APOA1: variants seen among roughly 807,000 people sequenced by gnomAD.
APOA1 encodes apolipoprotein A1, also known as apolipoprotein A-I.
In APOA1, 22 loss-of-function variants were observed where a neutral mutation model predicts 25.9. The observed-to-expected ratio is 0.85, with a 90% CI of 0.61 to 1.21. APOA1 has a LOEUF of 1.21. Ranked by LOEUF, APOA1 falls within the 50% of genes most tolerant of loss-of-function variation. The pLI is 0.00. For missense variants in APOA1, 351 were observed against 347.9 expected (o/e 1.01, Z -0.07); for synonymous variants, 163 against 152.2 (o/e 1.07, Z -0.52).
At position 116,837,115 on chromosome 11, in the gene APOA1, T is replaced by TG. The variant is rs753348565; in HGVS notation, c.85dup (p.Gln29ProfsTer30). On this transcript the variant is annotated frameshift_variant, in exon 3 of 4. Transcript: ENST00000236850. LOFTEE classifies it high-confidence loss of function. ...GTCCTTCACTCGATCCCAGGGGCTC[T>TG]GGGGGGGTTCATCTTGCTGCCAGAA... 1.2e-5 allele frequency: 20 copies of TG among 1,613,574 alleles called. No individual in the cohort carries two copies. The highest frequency in any genetic ancestry group is 4.4e-5 in the South Asian group (4 of 91,068).
rs373545875 is a variant in APOA1, at chr11:116,837,074, C to G, written c.127G>C (p.Val43Leu). 27 of 1,614,064 alleles carry G rather than the reference C, an allele frequency of 1.7e-5. No homozygotes were observed. Among genetic ancestry groups the G allele is most frequent in the Non-Finnish European group, 2.1e-5 (25 of 1,180,048 alleles). ...CTGCCGCTGTCTTTGAGCACATCCA[C>G]GTACACAGTGGCCAGGTCCTTCACT... ...DRVKDLATVYVDVLKDSGRDY... is the reference protein window; with the variant it reads ...DRVKDLATVYLDVLKDSGRDY... The change falls in exon 3 of 4, where the codon GTG (valine) becomes CTG (leucine). Residue 43 changes from valine (V) to leucine (L), a missense_variant. Physicochemically the swap from Val to Leu is conservative, Grantham distance 32 (BLOSUM62 1). Coordinates refer to ENST00000236850, the MANE Select transcript of APOA1 (RefSeq NM_000039.3).
rs1439470829 is a variant in APOA1 at position 116,835,987 on chromosome 11, C to G, written c.625G>C (p.Gly209Arg). 2 of 1,609,760 alleles carry G rather than the reference C, an allele frequency of 1.2e-6. No individual in the cohort carries two copies. Among genetic ancestry groups the G allele is most frequent in the Non-Finnish European group, 1.7e-6 (2 of 1,179,890 alleles). Residue 209 changes from glycine to arginine, a missense_variant, in exon 4 of 4, where the codon GGC becomes CGC. Transcript: ENST00000236850. ...TGGTACTCGGCCAGTCTGGCGCCGC[C>G]GTTCTCCTTGAGAGCCTCAAGGCGC... Reference protein sequence around the residue: ...AARLEALKENGGARLAEYHAK... With the variant: ...AARLEALKENRGARLAEYHAK...
At chr11:116,836,681 C>T (rs1941558443) in intron 3 of APOA1, among the ~76,000 whole-genome samples, 1 of 152,238 alleles carries the variant, frequency 6.6e-6, no homozygotes, top group Admixed American at 6.5e-5. Flanking sequence ...TCTATGCCTC[C>T]AGCGCATTCT....
rs138407155 is a variant in APOA1, at chr11:116,836,328, A to T, written c.284T>A (p.Phe95Tyr). The change falls in exon 4 of 4, where the codon TTC (phenylalanine) becomes TAC (tyrosine). Residue 95 changes from phenylalanine to tyrosine, a missense_variant. Phe to Tyr is a conservative substitution (Grantham distance 22). Transcript: ENST00000236850. Reference sequence around the variant, plus strand: ...TGTCTCCTTTTCCAGGTTATCCCAGAACTCCTGGGTCACAGGGCCGAGCTG... The same window carrying T: ...TGTCTCCTTTTCCAGGTTATCCCAGTACTCCTGGGTCACAGGGCCGAGCTG... Reference protein sequence around the residue: ...REQLGPVTQEFWDNLEKETEG... With the variant: ...REQLGPVTQEYWDNLEKETEG... 1,129 of 1,614,106 alleles carry T rather than the reference A, an allele frequency of 7.0e-4. 1 individual carries two copies. The highest frequency in any genetic ancestry group is 1.6e-3 in the South Asian group (145 of 91,084).
chr11:116,836,953 A>G (rs759586483), intron 3 of APOA1, 48 bp downstream of exon 3: 2 of 1,600,556 alleles, frequency 1.2e-6, no homozygotes, highest in African/African-American at 1.3e-5. Context: ...ATCATCCCAC[A>G]GGCCTCTGCC....
At position 116,836,203 on chromosome 11, in the gene APOA1, C is replaced by T; in HGVS notation, c.409G>A (p.Glu137Lys). The change falls in exon 4 of 4, where the codon GAG (glutamate) becomes AAG (lysine). Residue 137 changes from glutamate to lysine, a missense_variant. Physicochemically the swap from Glu to Lys is moderately conservative, Grantham distance 56. Coordinates refer to ENST00000236850, the MANE Select transcript of APOA1 (RefSeq NM_000039.3). ...GGCTCCACCTTCTGGCGGTAGAGCT[C>T]CATCTCCTCCTGCCACTTCTTCTGG... ...DFQKKWQEEM[E>K]LYRQKVEPLR... is the part of the protein sequence containing the mutation. 6.2e-7 allele frequency: 1 copy of T among 1,613,872 alleles called. No individual in the cohort carries two copies. Among genetic ancestry groups the T allele is most frequent in the Non-Finnish European group, 8.5e-7 (1 of 1,180,022 alleles).
At position 116,836,183 on chromosome 11, in the gene APOA1, C is replaced by T; in HGVS notation, c.429G>A (p.Val143=). 1.2e-6 allele frequency: 2 copies of T among 1,613,752 alleles called. No individual in the cohort carries two copies. The highest frequency in any genetic ancestry group is 1.7e-6 in the Non-Finnish European group (2 of 1,180,016). The part of the protein sequence containing the change: ...QEEMELYRQK[V]EPLRAELQEG... ...CTTGGAGCTCTGCGCGCAGCGGCTC[C>T]ACCTTCTGGCGGTAGAGCTCCATCT... Residue 143 remains valine, a synonymous_variant, in exon 4 of 4, where the codon GTG becomes GTA. Coordinates refer to ENST00000236850, the MANE Select transcript of APOA1 (RefSeq NM_000039.3).
intron 2 of APOA1, 43 bp from the exon 3 acceptor site, chr11:116,837,200 T>A (rs971979004): frequency 1.2e-6 from 2 of 1,608,396 alleles, no homozygotes; most frequent in African/African-American, 2.7e-5. Context: ...AGCTGTGGGC[T>A]GAGATCTGAG....
Position 116,837,058 on chromosome 11 carries a change from T to C in APOA1, c.143A>G (p.Asp48Gly). The C allele has an allele frequency of 6.2e-7, 1 of 1,614,194 alleles. No homozygotes were observed. The highest frequency in any genetic ancestry group is 1.3e-5 in the African/African-American group (1 of 75,062). ...LATVYVDVLK[D>G]SGRDYVSQFE... ...CTGGGACACATAGTCTCTGCCGCTG[T>C]CTTTGAGCACATCCACGTACACAGT... Residue 48 changes from aspartate (D) to glycine (G), a missense_variant, in exon 3 of 4, where the codon GAC becomes GGC. Physicochemically the swap from Asp to Gly is moderately conservative, Grantham distance 94. Transcript: ENST00000236850.
intron 3 of APOA1, 126 bp from the exon 4 acceptor site, chr11:116,836,537 A>C: frequency 7.8e-7 from 1 of 1,289,240 alleles, no homozygotes; most frequent in Non-Finnish European, 1.1e-6. Context: ...CTCTCAACCA[A>C]CACCCCTGCC....
chr11:116,837,314 T>C, intron 2 of APOA1, 31 bp downstream of exon 2: 1 of 1,579,292 alleles, frequency 6.3e-7, no homozygotes, highest in Non-Finnish European at 8.6e-7. Context: ...AGCCCCCCGA[T>C]GGTTGGCTCC....
rs747245248 is a variant in APOA1 at position 116,836,129 on chromosome 11, C to G, written c.483G>C (p.Leu161=). 10 of 1,612,660 alleles carry G rather than the reference C, an allele frequency of 6.2e-6. No homozygotes were observed. In the African/African-American group the frequency reaches 1.2e-4, roughly 19 times the overall value. Residue 161 remains leucine (L), a synonymous_variant, in exon 4 of 4, where the codon CTG becomes CTC. Transcript: ENST00000236850. ...CGCCCAGTGGGCTCAGCTTCTCTTG[C>G]AGCTCGTGCAGCTTCTGGCGCGCGC... ...QEGARQKLHE[L]QEKLSPLGEE...
chr11:116,837,406 A>C lies in APOA1; in HGVS notation c.-19T>G. The C allele has an allele frequency of 6.4e-7, 1 of 1,555,000 alleles. No individual in the cohort carries two copies. The highest frequency in any genetic ancestry group is 8.7e-7 in the Non-Finnish European group (1 of 1,148,826). ...CTTTCATCCTGAAGGGCCGTGGGGG[A>C]CCTGGAGGAGAAGAAGGGCCTGGCT... is the stretch of plus-strand genomic sequence containing the variant. On this transcript the variant is annotated splice_region_variant and 5_prime_UTR_variant, in exon 2 of 4. Transcript: ENST00000236850.
rs1326234415 is a variant in APOA1, at chr11:116,836,115, C to G, written c.497G>C (p.Ser166Thr). The G allele has an allele frequency of 1.2e-6, 2 of 1,611,962 alleles. No individual in the cohort carries two copies. The highest frequency in any genetic ancestry group is 1.7e-6 in the Non-Finnish European group (2 of 1,179,958). Reference protein sequence around the residue: ...QKLHELQEKLSPLGEEMRDRA... With the variant: ...QKLHELQEKLTPLGEEMRDRA... The stretch of plus-strand genomic sequence containing the variant: ...GTCGCGCATCTCCTCGCCCAGTGGG[C>G]TCAGCTTCTCTTGCAGCTCGTGCAG... Residue 166 changes from serine to threonine, a missense_variant, in exon 4 of 4, where the codon AGC becomes ACC. By Grantham distance (58) the Ser-to-Thr change is moderately conservative (BLOSUM62 1). Transcript: ENST00000236850.
Position 116,837,022 on chromosome 11 carries a change from G to A in APOA1, c.179C>T (p.Ser60Phe). The change falls in exon 3 of 4, where the codon TCC becomes TTC. Residue 60 changes from serine (S) to phenylalanine (F), a missense_variant. Transcript: ENST00000236850. ...TTACTTTAGCTGTTTTCCCAAGGCG[G>A]AGCCTTCAAACTGGGACACATAGTC... ...GRDYVSQFEGSALGKQLNLKL... is the reference protein window; with the variant it reads ...GRDYVSQFEGFALGKQLNLKL... 1 of 1,614,172 alleles carries A rather than the reference G, an allele frequency of 6.2e-7. No individual in the cohort carries two copies. Among genetic ancestry groups the A allele is most frequent in the Non-Finnish European group, 8.5e-7 (1 of 1,180,048 alleles).
rs746992174 is a variant in APOA1 at position 116,836,983 on chromosome 11, C to T, written c.200+18G>A. 16 of 1,613,728 alleles carry T rather than the reference C, an allele frequency of 9.9e-6. No homozygotes were observed. The East Asian group carries it at 3.3e-4, about 34-fold the overall frequency. On this transcript the variant is annotated intron_variant, in intron 3 of 3. Coordinates refer to ENST00000236850, the MANE Select transcript of APOA1 (RefSeq NM_000039.3). ...TCTGCCCCCTACCCCTGCCCTCAACCCCAGGCTGGGTCCTTACTTTAGCTG... is the reference window on the plus strand; with the variant it reads ...TCTGCCCCCTACCCCTGCCCTCAACTCCAGGCTGGGTCCTTACTTTAGCTG...
Position 116,835,823 on chromosome 11 carries a change from C to T in APOA1, c.789G>A (p.Lys263=), listed in dbSNP as rs923507798. The change falls in exon 4 of 4, where the codon AAG becomes AAA. Residue 263 remains lysine, a synonymous_variant. Coordinates refer to ENST00000236850, the MANE Select transcript of APOA1 (RefSeq NM_000039.3). The stretch of plus-strand genomic sequence containing the variant: ...GGCGGGCGCCTCACTGGGTGTTGAG[C>T]TTCTTAGTGTACTCCTCGAGAGCGC... ...FLSALEEYTK[K]LNTQ 2.5e-6 allele frequency: 4 copies of T among 1,612,994 alleles called. No homozygotes were observed. Among genetic ancestry groups the T allele is most frequent in the Admixed American group, 1.7e-5 (1 of 60,014 alleles).
At position 116,835,877 on chromosome 11, in the gene APOA1, C is replaced by T; in HGVS notation, c.735G>A (p.Val245=). 1 of 1,613,220 alleles carries T rather than the reference C, an allele frequency of 6.2e-7. No homozygotes were observed. The highest frequency in any genetic ancestry group is 8.5e-7 in the Non-Finnish European group (1 of 1,180,022). The change falls in exon 4 of 4, where the codon GTG becomes GTA. Residue 245 remains valine, a synonymous_variant. Transcript: ENST00000236850. ...LEDLRQGLLP[V]LESFKVSFLS... ...GGAAGCTGACCTTGAAGCTCTCCAGCACGGGCAGCAGGCCTTGGCGGAGGT... is the reference window on the plus strand; with the variant it reads ...GGAAGCTGACCTTGAAGCTCTCCAGTACGGGCAGCAGGCCTTGGCGGAGGT...
At position 116,837,581 on chromosome 11, in the gene APOA1, A is replaced by G. The variant is rs1941587919; in HGVS notation, c.-21+24T>C. 5 of 657,864 alleles carry G rather than the reference A, an allele frequency of 7.6e-6. No homozygotes were observed. The Admixed American group carries it at 1.4e-4, about 18-fold the overall frequency. The allele number at this position is 657,864 out of a possible 1,614,324, so 40.8% of individuals were successfully genotyped here. A position where few individuals can be genotyped will look rare whatever the true frequency, so the allele number is the denominator to read the frequency against. On this transcript the variant is annotated intron_variant, in intron 1 of 3. Transcript: ENST00000236850. ...AACCTTGAGCTGGGGAGCCAGAGTG[A>G]CCGGGGCAGGCAGCAGGACGCACCT...
Sources: allele counts gnomAD v4.1 joint callset (sites outside exome capture counted in the v4.1 genomes callset), GRCh38; gene constraint gnomAD v4.1.1; transcripts MANE v1.5; gene names NCBI Gene and HGNC (gene_info 2026-07-23, HGNC 2026-07-21).